The following LPAR1 variants were observed in gnomAD, a reference collection of about 807,000 sequenced individuals.
The protein encoded by LPAR1 is LPA receptor 1.
In LPAR1, 5 loss-of-function variants were observed where a neutral mutation model predicts 23.8. That is an observed-to-expected ratio of 0.21 (90% CI 0.11 to 0.44). The LOEUF (loss-of-function observed/expected upper bound fraction) is 0.44, where lower values mean the gene tolerates loss of function less well. LPAR1 is among the 20% of genes least tolerant of loss of function. LPAR1 has a pLI of 0.99. For missense variants in LPAR1, 311 were observed against 482.8 expected (o/e 0.64, Z 3.33); for synonymous variants, 160 against 164.7 (o/e 0.97, Z 0.22).
Position 110,935,752 on chromosome 9 carries a change from T to A in LPAR1, c.793+5669A>T, listed in dbSNP as rs977568776. Among the ~76,000 whole-genome samples the A allele has an allele frequency of 3.3e-5, 5 of 152,210 alleles. No homozygotes were observed. In the East Asian group the frequency reaches 7.7e-4, roughly 23 times the overall value. On this transcript the variant is annotated intron_variant, in intron 5 of 5. Coordinates refer to ENST00000683809, the MANE Select transcript of LPAR1 (RefSeq NM_001351411.2). ...CCCAACAGTTAGTGCCTGTTTTCAT[T>A]CCCAAAAGCATCTCAGTTTGGATGA...
At chr9:110,964,853 C>CTTTTTTTTTTT (rs35426082) in intron 4 of LPAR1, among the ~76,000 whole-genome samples, 1 of 67,072 alleles carries the variant, frequency 1.5e-5, no homozygotes, top group Non-Finnish European at 2.7e-5. Context: ...ACACCAATCA[C>CTTTTTTTTTTT]TTTTTTTTTT....
At chr9:110,972,351 C>A in intron 3 of LPAR1, 131 bp from the exon 4 acceptor site, 1 of 506,942 alleles carries the variant, frequency 2.0e-6, no homozygotes, top group Non-Finnish European at 3.5e-6. Flanking sequence ...AAACAGAAAG[C>A]CGGTAGGGAA....
chr9:111,027,548 A>C (rs934470959), intron 2 of LPAR1, among the ~76,000 whole-genome samples: 2 of 111,354 alleles, frequency 1.8e-5, no homozygotes, highest in African/African-American at 6.1e-5. Flanking sequence ...CAGAAAATAA[A>C]AATACAATTT....
intron 4 of LPAR1, among the ~76,000 whole-genome samples, chr9:110,943,854 C>T (rs535252044): frequency 2.9e-5 from 4 of 137,454 alleles, no homozygotes; most frequent in Admixed American, 7.4e-5. Context: ...AGCAAGACCC[C>T]AACTCCATCT....
At chr9:110,893,792 ACTGT>A (rs1280005751) in intron 5 of LPAR1, among the ~76,000 whole-genome samples, 1 of 152,172 alleles carries the variant, frequency 6.6e-6, no homozygotes, top group Admixed American at 6.5e-5. Flanking sequence ...GTGGTATGCG[ACTGT>A]CTGTTTCATG....
chr9:110,877,105 T>G (rs1247658284), intron 5 of LPAR1, among the ~76,000 whole-genome samples: 4 of 152,212 alleles, frequency 2.6e-5, no homozygotes, highest in Admixed American at 2.0e-4. Flanking sequence ...CTTTGGTGGA[T>G]GCAGGCTTGG....
At position 111,037,118 on chromosome 9, in the gene LPAR1, T is replaced by C. The variant is rs1172392683; in HGVS notation, c.-261-917A>G. Among the ~76,000 whole-genome samples the C allele has an allele frequency of 2.6e-5, 4 of 152,206 alleles. No homozygotes were observed. In the East Asian group the frequency reaches 5.8e-4, roughly 22 times the overall value. On this transcript the variant is annotated intron_variant, in intron 1 of 5. Coordinates refer to ENST00000683809, the MANE Select transcript of LPAR1 (RefSeq NM_001351411.2). ...GAATCACAGACCTCTGGCTTACCAA[T>C]TATGCTTAGCTGAGCAAACACACTT...
intron 5 of LPAR1, among the ~76,000 whole-genome samples, chr9:110,913,941 G>A (rs187404881): frequency 6.6e-6 from 1 of 152,322 alleles, no homozygotes; most frequent in East Asian, 1.9e-4. Context: ...TTACCAGACT[G>A]TATGAACAAG....
chr9:111,037,009 T>G (rs2141880713), intron 1 of LPAR1, among the ~76,000 whole-genome samples: 1 of 152,344 alleles, frequency 6.6e-6, no homozygotes, highest in Non-Finnish European at 1.5e-5. Flanking sequence ...GGACCCACTC[T>G]TCTATCCGGC....
intron 5 of LPAR1, among the ~76,000 whole-genome samples, chr9:110,908,468 T>C (rs1359001399): frequency 6.6e-6 from 1 of 150,894 alleles, no homozygotes; most frequent in African/African-American, 2.5e-5. Flanking sequence ...AATTAGTCTC[T>C]TATCACATCT....
intron 4 of LPAR1, 61 bp from the exon 5 acceptor site, chr9:110,942,229 T>C (rs771217048): frequency 2.8e-6 from 4 of 1,445,664 alleles, no homozygotes; most frequent in Non-Finnish European, 3.8e-6. Flanking sequence ...TTAAAGCTTA[T>C]ATAGATAACA....
intron 5 of LPAR1, among the ~76,000 whole-genome samples, chr9:110,937,368 C>A (rs7858776): frequency 0.4 from 61,352 of 151,904 alleles, 12,704 homozygotes; most frequent in Admixed American, 0.51. Flanking sequence ...ATGGAGGGGA[C>A]AAACACATGG....
At chr9:111,008,633 A>G (rs1389006764) in intron 2 of LPAR1, among the ~76,000 whole-genome samples, 1 of 152,188 alleles carries the variant, frequency 6.6e-6, no homozygotes, top group Non-Finnish European at 1.5e-5. Flanking sequence ...CAAGTCACAC[A>G]GGGAGAGGGT....
chr9:110,929,697 AATGT>A (rs2094268231), intron 5 of LPAR1, among the ~76,000 whole-genome samples: 1 of 121,254 alleles, frequency 8.2e-6, no homozygotes, highest in East Asian at 2.2e-4. Context: ...CCCAGCCAAT[AATGT>A]GTGTGTGTGT....
intron 2 of LPAR1, among the ~76,000 whole-genome samples, chr9:111,021,134 G>C (rs1588898321): frequency 6.6e-6 from 1 of 152,230 alleles, no homozygotes; most frequent in East Asian, 1.9e-4. Flanking sequence ...GAAAAGCTGA[G>C]TTGATGGGGG....
intron 1 of LPAR1, among the ~76,000 whole-genome samples, chr9:111,037,447 A>G (rs975552664): frequency 3.3e-5 from 5 of 152,216 alleles, no homozygotes; most frequent in African/African-American, 1.2e-4. Flanking sequence ...AAATGGCAGC[A>G]AAGAAAAACA....
chr9:110,895,106 G>A (rs1388537714), intron 5 of LPAR1, among the ~76,000 whole-genome samples: 2 of 152,218 alleles, frequency 1.3e-5, no homozygotes, highest in Non-Finnish European at 2.9e-5. Context: ...TTTGAGGTAA[G>A]AGTCAAGTTT....
At chr9:110,929,311 T>C (rs2094241999) in intron 5 of LPAR1, among the ~76,000 whole-genome samples, 1 of 152,092 alleles carries the variant, frequency 6.6e-6, no homozygotes, top group Admixed American at 6.6e-5. Flanking sequence ...AGGCTCTAGT[T>C]AGGCCTCAAA....
intron 2 of LPAR1, among the ~76,000 whole-genome samples, chr9:111,006,193 AT>A (rs2097215269): frequency 6.6e-6 from 1 of 152,142 alleles, no homozygotes; most frequent in Non-Finnish European, 1.5e-5. Context: ...CTGTCAAATG[AT>A]TTTCTTCATT....
Sources: gnomAD v4.1 joint callset for allele counts (sites outside exome capture counted in the v4.1 genomes callset) on GRCh38, gnomAD v4.1.1 for gene constraint, MANE v1.5 for transcripts, NCBI Gene and HGNC (gene_info 2026-07-23, HGNC 2026-07-21) for gene names.